The following DLG2 variants were observed in gnomAD, a reference collection of about 807,000 sequenced individuals.
The protein encoded by DLG2 is discs large MAGUK scaffold protein 2.
Under a neutral mutation model 132.5 loss-of-function variants are expected in DLG2, and 45 were observed. The ratio of observed to expected loss-of-function variants is 0.34; its 90% CI spans 0.27 to 0.44. DLG2 has a LOEUF of 0.44. Ranked by LOEUF, DLG2 falls within the 20% of genes least tolerant of loss-of-function variation. DLG2 has a pLI of 1.00. For missense variants in DLG2, 1,045 were observed against 1,196.9 expected, an observed-to-expected ratio of 0.87 and a Z score of 1.87; for synonymous variants, 424 against 419.6, an observed-to-expected ratio of 1.01 and a Z score of -0.13.
At chr11:83,763,885 C>T (rs1447016017) in intron 18 of DLG2, among the ~76,000 whole-genome samples, 2 of 152,198 alleles carry the variant, frequency 1.3e-5, no homozygotes, top group African/African-American at 4.8e-5. Context: ...ATTATTAACT[C>T]ATTTTAAAAA....
At chr11:84,135,790 G>A (rs566934019) in intron 9 of DLG2, among the ~76,000 whole-genome samples, 2 of 152,272 alleles carry the variant, frequency 1.3e-5, no homozygotes, top group South Asian at 4.1e-4. Context: ...TTATCTAAAA[G>A]TCAGTGGGAG....
chr11:84,474,104 C>T (rs1468853430), intron 7 of DLG2, among the ~76,000 whole-genome samples: 6 of 151,980 alleles, frequency 3.9e-5, no homozygotes, highest in African/African-American at 1.4e-4. Flanking sequence ...TTATTTGTTT[C>T]TCTCAACATC....
intron 19 of DLG2, among the ~76,000 whole-genome samples, chr11:83,607,828 C>T (rs74993916): frequency 0.017 from 2,585 of 152,256 alleles, 73 homozygotes; most frequent in African/African-American, 0.059. Context: ...ATGGATGGCT[C>T]TTATAAATAT....
chr11:85,438,162 G>C (rs2091590373), intron 3 of DLG2, among the ~76,000 whole-genome samples: 1 of 152,048 alleles, frequency 6.6e-6, no homozygotes, highest in Admixed American at 6.6e-5. Context: ...ACAGAGATCT[G>C]GTGGGAACTA....
Position 85,563,519 on chromosome 11 carries a change from T to C in DLG2, c.40+35138A>G, listed in dbSNP as rs370834500. On this transcript the variant is annotated intron_variant, in intron 3 of 27. Transcript: ENST00000376104. Reference sequence around the variant, plus strand: ...CCACTACCTGCTTTCTGTCAAGACATACTAGACTTTTAAGTAGAATTTCAT... The same window carrying C: ...CCACTACCTGCTTTCTGTCAAGACACACTAGACTTTTAAGTAGAATTTCAT... Among the ~76,000 whole-genome samples the C allele has an allele frequency of 8.6e-5, 13 of 151,844 alleles. No homozygotes were observed. In the East Asian group the frequency reaches 2.3e-3, roughly 27 times the overall value.
At chr11:83,654,024 A>AT (rs946511545) in intron 18 of DLG2, among the ~76,000 whole-genome samples, 12 of 149,354 alleles carry the variant, frequency 8.0e-5, no homozygotes, top group African/African-American at 1.2e-4. Context: ...CTGGCCAAGA[A>AT]TTTTTTTTTT....
intron 3 of DLG2, among the ~76,000 whole-genome samples, chr11:85,402,952 G>A (rs577051470): frequency 6.6e-6 from 1 of 152,096 alleles, no homozygotes; most frequent in Non-Finnish European, 1.5e-5. Flanking sequence ...CAAGGATCTA[G>A]AACTGGCAAT....
At position 83,520,694 on chromosome 11, in the gene DLG2, G is replaced by GATA. The variant is rs778015781; in HGVS notation, c.2193+12013_2193+12014insTAT. Among the ~76,000 whole-genome samples, 489 of 138,372 alleles carry GATA rather than the reference G, an allele frequency of 3.5e-3. 2 individuals carry two copies. Among genetic ancestry groups the GATA allele is most frequent in the African/African-American group, 9.4e-3 (332 of 35,140 alleles). The allele number at this position is 138,372 out of a possible 152,430, so 90.8% of individuals were successfully genotyped here. The stretch of plus-strand genomic sequence containing the variant: ...AGAAAGACAGACAGGTAAGTAGGTA[G>GATA]GTAGATAGATAGATAGATAGATAGA... On this transcript the variant is annotated intron_variant, in intron 21 of 27. Transcript: ENST00000376104.
At chr11:83,782,715 A>T (rs2153873674) in intron 18 of DLG2, among the ~76,000 whole-genome samples, 1 of 152,238 alleles carries the variant, frequency 6.6e-6, no homozygotes, top group African/African-American at 2.4e-5. Context: ...AAAGGCTGAT[A>T]CTGTGGGTGG....
intron 7 of DLG2, among the ~76,000 whole-genome samples, chr11:84,511,175 C>G (rs909472197): frequency 6.6e-6 from 1 of 152,012 alleles, no homozygotes; most frequent in African/African-American, 2.4e-5. Context: ...TTATAGTGCT[C>G]AGCTTACATC....
At chr11:84,741,025 C>A (rs953313599) in intron 6 of DLG2, among the ~76,000 whole-genome samples, 3 of 151,114 alleles carry the variant, frequency 2.0e-5, no homozygotes, top group African/African-American at 7.3e-5. Flanking sequence ...AGATGCGCCC[C>A]AGGCTGACCA....
At chr11:83,784,431 C>A (rs1180381536) in intron 18 of DLG2, among the ~76,000 whole-genome samples, 2 of 152,176 alleles carry the variant, frequency 1.3e-5, no homozygotes, top group African/African-American at 4.8e-5. Flanking sequence ...ACATTTCCAA[C>A]TAATTTAAAG....
At chr11:84,907,094 G>C (rs2154074930) in intron 6 of DLG2, among the ~76,000 whole-genome samples, 1 of 152,296 alleles carries the variant, frequency 6.6e-6, no homozygotes, top group East Asian at 1.9e-4. Flanking sequence ...AACTGGAGAT[G>C]TGGCATTTAA....
chr11:84,511,618 G>A (rs1202413396), intron 7 of DLG2, among the ~76,000 whole-genome samples: 1 of 151,836 alleles, frequency 6.6e-6, no homozygotes, highest in Non-Finnish European at 1.5e-5. Context: ...ACAATATTAG[G>A]GCCTAAATAA....
chr11:85,057,299 A>G (rs928019561), intron 6 of DLG2, among the ~76,000 whole-genome samples: 4 of 151,732 alleles, frequency 2.6e-5, no homozygotes, highest in Non-Finnish European at 5.9e-5. Flanking sequence ...ATAACCATCT[A>G]TTATAAATGA....
At chr11:85,108,793 T>A (rs2072236062) in intron 6 of DLG2, among the ~76,000 whole-genome samples, 2 of 151,942 alleles carry the variant, frequency 1.3e-5, no homozygotes, top group Non-Finnish European at 2.9e-5. Context: ...TGCAAGTAAA[T>A]CAAAGAACAA....
intron 16 of DLG2, among the ~76,000 whole-genome samples, chr11:83,864,674 T>G (rs192671138): frequency 6.6e-6 from 1 of 152,286 alleles, no homozygotes; most frequent in East Asian, 1.9e-4. Context: ...GCTGTTTCCC[T>G]GGCAATAAAG....
At chr11:84,041,114 A>T (rs1228284482) in intron 11 of DLG2, among the ~76,000 whole-genome samples, 1 of 151,904 alleles carries the variant, frequency 6.6e-6, no homozygotes, top group African/African-American at 2.4e-5. Flanking sequence ...GCTTAAGGAG[A>T]TTTTGGGCTG....
intron 4 of DLG2, among the ~76,000 whole-genome samples, chr11:85,270,564 G>C (rs2077467723): frequency 6.6e-6 from 1 of 152,192 alleles, no homozygotes; most frequent in African/African-American, 2.4e-5. Context: ...ACAGTTTGGA[G>C]GGCTCAGAAG....
Sources: gnomAD v4.1 joint callset for allele counts (sites outside exome capture counted in the v4.1 genomes callset) on GRCh38, gnomAD v4.1.1 for gene constraint, MANE v1.5 for transcripts, NCBI Gene and HGNC (gene_info 2026-07-23, HGNC 2026-07-21) for gene names.